SKAP1: variants seen among roughly 807,000 people sequenced by gnomAD.
SKAP1 encodes the protein src kinase associated phosphoprotein 1, also known as src kinase-associated phosphoprotein 1.
A neutral mutation model predicts 58.5 loss-of-function variants in SKAP1; 44 were observed. That is an observed-to-expected ratio of 0.75 (90% CI 0.59 to 0.97). The LOEUF (loss-of-function observed/expected upper bound fraction) is 0.97, where lower values mean the gene tolerates loss of function less well. Among genes scored for constraint, SKAP1 ranks in the 50% least tolerant of loss-of-function variants. The probability of loss-of-function intolerance (pLI) is 0.00; values close to 1 mark genes in which losing one functional copy is unlikely to be tolerated. For missense variants in SKAP1, 390 were observed against 435.2 expected (o/e 0.90, Z 0.92); for synonymous variants, 127 against 149.7 (o/e 0.85, Z 1.11).
chr17:48,249,838 G>T (rs141118924), intron 4 of SKAP1, among the ~76,000 whole-genome samples: 79 of 152,182 alleles, frequency 5.2e-4, no homozygotes, highest in African/African-American at 1.9e-3. Context: ...GGAGGGCACA[G>T]AGGCCTTATA....
chr17:48,273,422 G>GTT (rs61407419), intron 4 of SKAP1, among the ~76,000 whole-genome samples: 1 of 145,874 alleles, frequency 6.9e-6, no homozygotes, highest in African/African-American at 2.5e-5. Context: ...TTTTATCACT[G>GTT]TTTTTTTTTT....
chr17:48,213,534 C>A (rs1264339952), intron 4 of SKAP1, among the ~76,000 whole-genome samples: 2 of 152,114 alleles, frequency 1.3e-5, no homozygotes, highest in Non-Finnish European at 2.9e-5. Flanking sequence ...GGAGATTGAA[C>A]TGTGGCATCA....
At chr17:48,196,553 C>T (rs998869263) in intron 4 of SKAP1, 9 of 152,200 alleles carry the variant, frequency 5.9e-5, no homozygotes, top group Non-Finnish European at 1.3e-4. Flanking sequence ...TTGCTTCCCT[C>T]CCTACCTCCT....
At chr17:48,242,174 T>A (rs1567834887) in intron 4 of SKAP1, among the ~76,000 whole-genome samples, 1 of 152,238 alleles carries the variant, frequency 6.6e-6, no homozygotes, top group East Asian at 1.9e-4. Context: ...GGCATCTGGC[T>A]TCCAGCAGGG....
At chr17:48,292,201 A>G (rs2065907456) in intron 4 of SKAP1, among the ~76,000 whole-genome samples, 1 of 151,886 alleles carries the variant, frequency 6.6e-6, no homozygotes, top group Admixed American at 6.6e-5. Context: ...AAATTAAAAC[A>G]TTTTAAAATC....
intron 4 of SKAP1, among the ~76,000 whole-genome samples, chr17:48,235,999 T>G (rs2065176359): frequency 6.6e-6 from 1 of 152,172 alleles, no homozygotes; most frequent in African/African-American, 2.4e-5. Flanking sequence ...GCAGACACAA[T>G]TTGAAGGATA....
intron 4 of SKAP1, among the ~76,000 whole-genome samples, chr17:48,327,209 G>A (rs536962423): frequency 9.3e-4 from 142 of 152,190 alleles, no homozygotes; most frequent in African/African-American, 3.2e-3. Flanking sequence ...AAATTGCGTA[G>A]GCAAAAGGTT....
intron 2 of SKAP1, among the ~76,000 whole-genome samples, chr17:48,369,906 T>A (rs898281667): frequency 6.6e-6 from 1 of 152,212 alleles, no homozygotes; most frequent in Non-Finnish European, 1.5e-5. Flanking sequence ...CAAAATTAAC[T>A]GAGTCTTTCT....
At chr17:48,173,187 A>AC (rs928415941) in intron 9 of SKAP1, among the ~76,000 whole-genome samples, 4 of 29,822 alleles carry the variant, frequency 1.3e-4, no homozygotes, top group Non-Finnish European at 1.9e-4. Flanking sequence ...CCTTGTCTCT[A>AC]AAAAAAAAAA....
chr17:48,346,681 C>T (rs905797908), intron 3 of SKAP1, among the ~76,000 whole-genome samples: 4 of 152,010 alleles, frequency 2.6e-5, no homozygotes, highest in Non-Finnish European at 5.9e-5. Flanking sequence ...TAATTACAAC[C>T]TTTACCCTGC....
At chr17:48,374,087 C>T (rs1262500681) in intron 2 of SKAP1, among the ~76,000 whole-genome samples, 7 of 152,070 alleles carry the variant, frequency 4.6e-5, no homozygotes, top group African/African-American at 1.7e-4. Flanking sequence ...CATGCTGGAG[C>T]GTAGTGACAC....
intron 4 of SKAP1, among the ~76,000 whole-genome samples, chr17:48,297,540 T>C (rs991039097): frequency 2.0e-5 from 3 of 152,216 alleles, no homozygotes; most frequent in African/African-American, 7.2e-5. Context: ...CTTTAACTTT[T>C]AAATCAGACC....
intron 4 of SKAP1, among the ~76,000 whole-genome samples, chr17:48,212,050 G>A (rs933004825): frequency 2.6e-5 from 4 of 150,948 alleles, no homozygotes; most frequent in Admixed American, 2.0e-4. Context: ...CCCAGAACTG[G>A]GGGCTAGCTA....
intron 10 of SKAP1, 41 bp from the exon 11 acceptor site, chr17:48,162,610 T>C: frequency 6.6e-7 from 1 of 1,524,468 alleles, no homozygotes; most frequent in Non-Finnish European, 9.1e-7. Flanking sequence ...AAGGACTCTA[T>C]TTTTTCCGAG....
chr17:48,182,922 T>C (rs1274754522), intron 7 of SKAP1, among the ~76,000 whole-genome samples: 1 of 151,654 alleles, frequency 6.6e-6, no homozygotes, highest in African/African-American at 2.4e-5. Context: ...TAAAGAAGAG[T>C]TGGTGGAAAC....
intron 1 of SKAP1, among the ~76,000 whole-genome samples, chr17:48,419,643 T>C (rs1299500354): frequency 6.6e-6 from 1 of 152,096 alleles, no homozygotes; most frequent in African/African-American, 2.4e-5. Flanking sequence ...AGTGAATAGA[T>C]GTTTTCTGTA....
chr17:48,261,189 A>G (rs918166217), intron 4 of SKAP1, among the ~76,000 whole-genome samples: 35 of 152,198 alleles, frequency 2.3e-4, no homozygotes, highest in African/African-American at 8.2e-4. Context: ...ATGCTCTGCA[A>G]GGATGTTTAT....
At chr17:48,337,776 G>C (rs913979678) in intron 4 of SKAP1, among the ~76,000 whole-genome samples, 2 of 152,138 alleles carry the variant, frequency 1.3e-5, no homozygotes, top group Non-Finnish European at 2.9e-5. Flanking sequence ...TGAAGAACTT[G>C]ACTGAAACTT....
chr17:48,360,573 A>G (rs1173390454), intron 3 of SKAP1, among the ~76,000 whole-genome samples: 2 of 152,202 alleles, frequency 1.3e-5, no homozygotes, highest in African/African-American at 2.4e-5. Flanking sequence ...TAAGCAGGAC[A>G]TGAATTATTA....
Sources: gnomAD v4.1 joint callset for allele counts (sites outside exome capture counted in the v4.1 genomes callset) on GRCh38, gnomAD v4.1.1 for gene constraint, MANE v1.5 for transcripts, NCBI Gene and HGNC (gene_info 2026-07-23, HGNC 2026-07-21) for gene names.